Variants in PRKCQ observed in about 807,000 individuals in gnomAD.
PRKCQ encodes the protein protein kinase C theta.
PRKCQ carries 41 observed loss-of-function variants against 91.2 expected under a neutral mutation model. The observed-to-expected ratio is 0.45, with a 90% confidence interval of 0.35 to 0.58. PRKCQ has a LOEUF of 0.58. PRKCQ is among the 20% of genes least tolerant of loss of function. The pLI is 0.00. For missense variants in PRKCQ, 673 were observed against 896.5 expected (o/e 0.75, Z 3.18); for synonymous variants, 307 against 316.9 (o/e 0.97, Z 0.33).
chr10:6,571,362 T>C (rs1171391579), intron 1 of PRKCQ, among the ~76,000 whole-genome samples: 4 of 152,192 alleles, frequency 2.6e-5, no homozygotes, highest in African/African-American at 9.6e-5. Flanking sequence ...TATTTGTCAA[T>C]GTCAAGCTGA....
chr10:6,422,611 G>A (rs1057435909), downstream of PRKCQ, among the ~76,000 whole-genome samples: 1 of 152,198 alleles, frequency 6.6e-6, no homozygotes, highest in Non-Finnish European at 1.5e-5. Flanking sequence ...ATTGTCGTCA[G>A]GGGTTAAATG....
intron 1 of PRKCQ, among the ~76,000 whole-genome samples, chr10:6,562,392 C>A (rs1157353821): frequency 6.6e-6 from 1 of 152,154 alleles, no homozygotes; most frequent in African/African-American, 2.4e-5. Context: ...AGCAGAGAGA[C>A]GCACGCTTCA....
chr10:6,516,379 G>A (rs898770557), intron 1 of PRKCQ, among the ~76,000 whole-genome samples: 1 of 152,158 alleles, frequency 6.6e-6, no homozygotes, highest in South Asian at 2.1e-4. Flanking sequence ...TAAAGGAGAT[G>A]GTTGGGTAAA....
the PRKCQ span, among the ~76,000 whole-genome samples, chr10:6,417,547 A>C: frequency 7.9e-5 from 12 of 152,202 alleles, no homozygotes; most frequent in African/African-American, 2.7e-4. Context: ...AATGCGTGCG[A>C]TCTAAAACGA....
At chr10:6,420,337 A>G in the PRKCQ span, among the ~76,000 whole-genome samples, 2 of 151,818 alleles carry the variant, frequency 1.3e-5, no homozygotes, top group Non-Finnish European at 2.9e-5. Flanking sequence ...TGGACGCTCC[A>G]CTCCCTTGCC....
At chr10:6,572,536 T>C (rs566069046) in intron 1 of PRKCQ, among the ~76,000 whole-genome samples, 1 of 152,226 alleles carries the variant, frequency 6.6e-6, no homozygotes, top group Admixed American at 6.5e-5. Flanking sequence ...CTTCCAGCTC[T>C]ATCCATGTCC....
rs1344365441 is a variant in PRKCQ at position 6,479,768 on chromosome 10, A to C, written c.1180-603T>G. Among the ~76,000 whole-genome samples, 159 of 20,182 alleles carry C rather than the reference A, an allele frequency of 7.9e-3. 2 individuals carry two copies. Among genetic ancestry groups the C allele is most frequent in the African/African-American group, 0.041 (155 of 3,796 alleles). The allele number at this position is 20,182 out of a possible 152,430, so 13.2% of individuals were successfully genotyped here. On this transcript the variant is annotated intron_variant, in intron 11 of 17. Transcript: ENST00000263125. ...AACATGGTGAAACCCCGTCTCGACT[A>C]AAAAAAAAAAAAAAAAAAAAAAAAA...
At chr10:6,498,171 A>C (rs1283454926) in intron 5 of PRKCQ, among the ~76,000 whole-genome samples, 2 of 151,712 alleles carry the variant, frequency 1.3e-5, no homozygotes, top group East Asian at 3.9e-4. Flanking sequence ...GGCAGAAACT[A>C]AAATCCCATG....
intron 1 of PRKCQ, among the ~76,000 whole-genome samples, chr10:6,553,443 T>C (rs370646761): frequency 7.1e-6 from 1 of 141,810 alleles, no homozygotes; most frequent in African/African-American, 2.7e-5. Flanking sequence ...AGAGCCGAGA[T>C]AGTGCCACTG....
At chr10:6,447,368 C>T (rs548538122) in intron 15 of PRKCQ, among the ~76,000 whole-genome samples, 16 of 149,132 alleles carry the variant, frequency 1.1e-4, no homozygotes, top group African/African-American at 4.0e-4. Context: ...GATTGTGCCA[C>T]TGCACTCCAG....
chr10:6,472,351 C>A (rs1338128064), intron 12 of PRKCQ, among the ~76,000 whole-genome samples: 1 of 152,076 alleles, frequency 6.6e-6, no homozygotes, highest in South Asian at 2.1e-4. Flanking sequence ...AGGAAAGATG[C>A]GGCATTTCAG....
At chr10:6,570,075 G>T (rs1840982048) in intron 1 of PRKCQ, among the ~76,000 whole-genome samples, 1 of 152,008 alleles carries the variant, frequency 6.6e-6, no homozygotes, top group Non-Finnish European at 1.5e-5. Flanking sequence ...AACATGGGCA[G>T]GGGGGTCATG....
At chr10:6,451,175 G>A (rs575924187) in intron 15 of PRKCQ, among the ~76,000 whole-genome samples, 29 of 149,756 alleles carry the variant, frequency 1.9e-4, no homozygotes, top group South Asian at 1.6e-3. Context: ...TTGATAGACC[G>A]CTAGCAAGAC....
intron 1 of PRKCQ, among the ~76,000 whole-genome samples, chr10:6,562,851 A>G (rs538047454): frequency 1.3e-5 from 2 of 152,308 alleles, no homozygotes; most frequent in South Asian, 4.1e-4. Context: ...ATGCAAAGTG[A>G]TTAGAACAGT....
At chr10:6,447,450 T>G (rs1834376057) in intron 15 of PRKCQ, among the ~76,000 whole-genome samples, 1 of 151,474 alleles carries the variant, frequency 6.6e-6, no homozygotes, top group African/African-American at 2.4e-5. Flanking sequence ...TTTAACTGCC[T>G]TCCTATTCTT....
chr10:6,557,303 C>A (rs186015282), intron 1 of PRKCQ, among the ~76,000 whole-genome samples: 1 of 152,184 alleles, frequency 6.6e-6, no homozygotes, highest in Non-Finnish European at 1.5e-5. Flanking sequence ...CCAGACCCTG[C>A]GGCTGGAAAT....
intron 15 of PRKCQ, among the ~76,000 whole-genome samples, chr10:6,451,659 A>G (rs1297094173): frequency 3.9e-5 from 6 of 152,318 alleles, no homozygotes; most frequent in African/African-American, 1.4e-4. Flanking sequence ...CTTGATGAAC[A>G]TTGATGCAAA....
intron 1 of PRKCQ, among the ~76,000 whole-genome samples, chr10:6,542,781 C>T (rs1015758719): frequency 2.0e-5 from 3 of 152,080 alleles, no homozygotes; most frequent in Non-Finnish European, 2.9e-5. Flanking sequence ...TAACTCATTA[C>T]CTAAAAAGAA....
intron 4 of PRKCQ, among the ~76,000 whole-genome samples, chr10:6,502,962 T>TA (rs749365448): frequency 4.6e-5 from 7 of 152,176 alleles, no homozygotes; most frequent in Non-Finnish European, 1.0e-4. Context: ...AAGCCAAACA[T>TA]AGAGTCTGAA....
Sources: gnomAD v4.1 joint callset for allele counts (sites outside exome capture counted in the v4.1 genomes callset) on GRCh38, gnomAD v4.1.1 for gene constraint, MANE v1.5 for transcripts, NCBI Gene and HGNC (gene_info 2026-07-23, HGNC 2026-07-21) for gene names.